The following TBC1D4 variants were observed in gnomAD, a reference collection of about 807,000 sequenced individuals.
TBC1D4 encodes TBC1 domain family member 4.
Under a neutral mutation model 142.5 loss-of-function variants are expected in TBC1D4, and 121 were observed. That is an observed-to-expected ratio of 0.85 (90% CI 0.73 to 0.99). The LOEUF is 0.99. TBC1D4 is among the 50% of genes least tolerant of loss of function. TBC1D4 has a pLI of 0.00. For missense variants in TBC1D4, 1,475 were observed against 1,606.6 expected, an observed-to-expected ratio of 0.92 and a Z score of 1.40; for synonymous variants, 630 against 628.2, an observed-to-expected ratio of 1.00 and a Z score of -0.04.
chr13:75,387,267 T>C (rs1327296648), intron 1 of TBC1D4, among the ~76,000 whole-genome samples: 1 of 152,182 alleles, frequency 6.6e-6, no homozygotes, highest in Non-Finnish European at 1.5e-5. Context: ...ACATCTAACG[T>C]CCCACAAGTA....
In TBC1D4 at chr13:75,327,740, CTAGT is replaced by C; in HGVS notation, c.1806+8_1806+11del. The C allele has an allele frequency of 6.2e-7, 1 of 1,613,872 alleles. No individual in the cohort carries two copies. Among genetic ancestry groups the C allele is most frequent in the South Asian group, 1.1e-5 (1 of 91,082 alleles). ...AAGTTGCAATTAGTGTAAACAAGCTCTAGTTAGATACCTTCTCTGAAGCAAGACT... is the reference window on the plus strand; with the variant it reads ...AAGTTGCAATTAGTGTAAACAAGCTCTAGATACCTTCTCTGAAGCAAGACT... On this transcript the variant is annotated splice_region_variant and intron_variant, in intron 9 of 20. Coordinates refer to ENST00000377636, the MANE Select transcript of TBC1D4 (RefSeq NM_014832.5).
chr13:75,348,958 T>A (rs199636253), intron 5 of TBC1D4, among the ~76,000 whole-genome samples: 4,187 of 62,462 alleles, frequency 0.067, 105 homozygotes, highest in Admixed American at 0.19. Flanking sequence ...AGAGAGAGTG[T>A]GTGTGTGTGT....
intron 1 of TBC1D4, among the ~76,000 whole-genome samples, chr13:75,413,283 T>C (rs12429477): frequency 0.59 from 88,995 of 151,660 alleles, 27,688 homozygotes; most frequent in East Asian, 0.69. Flanking sequence ...TGCCTCAGCC[T>C]CCCGAGTAGC....
At chr13:75,317,066 A>G (rs1257465294) in intron 12 of TBC1D4, among the ~76,000 whole-genome samples, 2 of 152,196 alleles carry the variant, frequency 1.3e-5, no homozygotes, top group African/African-American at 4.8e-5. Context: ...TTTTTGGTGC[A>G]ATACTGAAGT....
rs149484331 is a variant in TBC1D4 at position 75,285,494 on chromosome 13, G to A, written c.*1298C>T. 6.6e-6 allele frequency: 1 copy of A among 152,620 alleles called. No homozygotes were observed. Among genetic ancestry groups the A allele is most frequent in the African/African-American group, 2.4e-5 (1 of 41,568 alleles). 9.5% of individuals were successfully genotyped at this position (152,620 alleles called of 1,614,324 possible). ...AAAAAGAGAACTGCAAATGTACTTT[G>A]AAAATTACTTTCCTTGCCTATACCC... On this transcript the variant is annotated 3_prime_UTR_variant, in exon 21 of 21. Transcript: ENST00000377636.
At chr13:75,432,174 C>G (rs879327240) in intron 1 of TBC1D4, among the ~76,000 whole-genome samples, 3 of 151,890 alleles carry the variant, frequency 2.0e-5, no homozygotes, top group Non-Finnish European at 4.4e-5. Flanking sequence ...CAAACTAGAG[C>G]CTTCCAGCTC....
At chr13:75,365,914 A>T (rs1882881302) in intron 1 of TBC1D4, among the ~76,000 whole-genome samples, 1 of 152,226 alleles carries the variant, frequency 6.6e-6, no homozygotes, top group Non-Finnish European at 1.5e-5. Context: ...CAGGACTGAG[A>T]CAGTTTAGTA....
intron 8 of TBC1D4, among the ~76,000 whole-genome samples, chr13:75,329,888 T>C (rs576332660): frequency 6.6e-6 from 1 of 152,224 alleles, no homozygotes; most frequent in Non-Finnish European, 1.5e-5. Flanking sequence ...AGCCTGTGTG[T>C]CTGACCTGCT....
chr13:75,324,085 G>C, intron 11 of TBC1D4, 152 bp downstream of exon 11: 1 of 851,492 alleles, frequency 1.2e-6, no homozygotes, highest in Non-Finnish European at 1.8e-6. Context: ...AAATTAATTG[G>C]GATTGAAACC....
At chr13:75,473,954 G>A (rs1888522262) in intron 1 of TBC1D4, among the ~76,000 whole-genome samples, 1 of 152,030 alleles carries the variant, frequency 6.6e-6, no homozygotes, top group African/African-American at 2.4e-5. Flanking sequence ...AAATTATAAT[G>A]GTTATAAATA....
intron 4 of TBC1D4, among the ~76,000 whole-genome samples, chr13:75,353,457 A>G (rs117005163): frequency 0.013 from 1,936 of 152,280 alleles, 43 homozygotes; most frequent in Non-Finnish European, 0.014. Context: ...TCCATGACAC[A>G]ACACGTAAAA....
chr13:75,290,618 AACAAAT>A (rs1258705254), intron 19 of TBC1D4, among the ~76,000 whole-genome samples: 1 of 152,210 alleles, frequency 6.6e-6, no homozygotes, highest in Non-Finnish European at 1.5e-5. Context: ...AGAGCATTTT[AACAAAT>A]ACAAACTATT....
intron 1 of TBC1D4, among the ~76,000 whole-genome samples, chr13:75,385,040 G>A (rs1306249309): frequency 6.6e-6 from 1 of 152,108 alleles, no homozygotes; most frequent in Non-Finnish European, 1.5e-5. Context: ...AGAGAAGGAG[G>A]AACAAAGAGG....
At chr13:75,389,932 GA>G (rs1566451725) in intron 1 of TBC1D4, among the ~76,000 whole-genome samples, 1 of 152,086 alleles carries the variant, frequency 6.6e-6, no homozygotes, top group Non-Finnish European at 1.5e-5. Flanking sequence ...ACAAGTAACA[GA>G]AACAATAAGT....
chr13:75,382,240 C>A (rs1883895948), intron 1 of TBC1D4, among the ~76,000 whole-genome samples: 1 of 152,144 alleles, frequency 6.6e-6, no homozygotes, highest in South Asian at 2.1e-4. Flanking sequence ...AAAGTTTTTC[C>A]CAAAAGGTTT....
rs759843257 is a variant in TBC1D4, at chr13:75,362,303, G to A, written c.803C>T (p.Pro268Leu). The A allele has an allele frequency of 4.3e-6, 7 of 1,613,934 alleles. No individual in the cohort carries two copies. The highest frequency in any genetic ancestry group is 1.7e-5 in the Admixed American group (1 of 60,024). The change falls in exon 2 of 21, where the codon CCG becomes CTG. Residue 268 changes from proline to leucine, a missense_variant. By Grantham distance (98) the Pro-to-Leu change is moderately conservative (BLOSUM62 -3). Around this residue, in one of 2 missense-constraint regions of TBC1D4, gnomAD observed 1,227 missense variants for 1,267.7 expected, o/e 0.97. Transcript: ENST00000377636. This position sits in a 1 kb window ranked among gnomAD's most constrained non-coding sequence, Gnocchi z 4.2. ...GGTGTCGGTGCCGTCAGCCTCCTCC[G>A]GCAGGCAGTCTCCGGGGGACCCGGG... is the stretch of plus-strand genomic sequence containing the variant. ...VVPGSPGDCL[P>L]EEADGTDTHL...
intron 5 of TBC1D4, among the ~76,000 whole-genome samples, chr13:75,348,165 A>C (rs1881307877): frequency 6.6e-6 from 1 of 152,172 alleles, no homozygotes. Context: ...ACAAAAAAAA[A>C]ACCTGTGTTT....
At chr13:75,294,310 C>A (rs1875651766) in intron 18 of TBC1D4, among the ~76,000 whole-genome samples, 1 of 152,128 alleles carries the variant, frequency 6.6e-6, no homozygotes, top group African/African-American at 2.4e-5. Context: ...TTTCCCTGAG[C>A]CACCAGTCTT....
At chr13:75,318,311 C>T (rs1196837047) in intron 12 of TBC1D4, among the ~76,000 whole-genome samples, 1 of 152,210 alleles carries the variant, frequency 6.6e-6, no homozygotes, top group Non-Finnish European at 1.5e-5. Context: ...CCTCTGGCAC[C>T]CAGTTGAAAC....
Sources: allele counts gnomAD v4.1 joint callset (sites outside exome capture counted in the v4.1 genomes callset), GRCh38; gene constraint gnomAD v4.1.1; regional missense constraint gnomAD v4.1.1; non-coding constraint Gnocchi (gnomAD v3.1); transcripts MANE v1.5; gene names NCBI Gene and HGNC (gene_info 2026-07-23, HGNC 2026-07-21).